FBXW11: variants seen among roughly 807,000 people sequenced by gnomAD.
The protein encoded by FBXW11 is F-box and WD repeat domain containing 11, also known as F-box/WD repeat-containing protein 11.
In FBXW11, 19 loss-of-function variants were observed where a neutral mutation model predicts 77.6. The ratio of observed to expected loss-of-function variants is 0.24; its 90% CI spans 0.17 to 0.36. The LOEUF is 0.36. Ranked by LOEUF, FBXW11 falls within the 10% of genes least tolerant of loss-of-function variation. FBXW11 has a pLI of 1.00. For missense variants in FBXW11, 334 were observed against 704.2 expected (o/e 0.47, Z 5.95); for synonymous variants, 235 against 249.4 (o/e 0.94, Z 0.54).
At chr5:171,941,208 T>C (rs1424280084) in intron 2 of FBXW11, among the ~76,000 whole-genome samples, 5 of 152,200 alleles carry the variant, frequency 3.3e-5, no homozygotes, top group Non-Finnish European at 7.3e-5. Flanking sequence ...GAGAAATCAA[T>C]ATTATGTACT....
At chr5:171,975,259 A>G (rs559859221) in intron 1 of FBXW11, among the ~76,000 whole-genome samples, 4 of 152,254 alleles carry the variant, frequency 2.6e-5, no homozygotes, top group Non-Finnish European at 5.9e-5. Flanking sequence ...ATATGCCACT[A>G]GAAAAGAATG....
At chr5:171,988,038 C>T (rs1301344818) in intron 1 of FBXW11, among the ~76,000 whole-genome samples, 2 of 152,138 alleles carry the variant, frequency 1.3e-5, no homozygotes, top group Admixed American at 6.6e-5. Flanking sequence ...ATGATACCGA[C>T]AAGGTCCCTT....
chr5:171,880,985 C>A (rs541487420), intron 7 of FBXW11, among the ~76,000 whole-genome samples: 13 of 152,354 alleles, frequency 8.5e-5, no homozygotes, highest in African/African-American at 2.6e-4. Flanking sequence ...GCGTGAGCCA[C>A]CGCGCCCAGC....
chr5:171,995,210 A>C (rs780248484), intron 1 of FBXW11, among the ~76,000 whole-genome samples: 5 of 152,198 alleles, frequency 3.3e-5, no homozygotes, highest in Non-Finnish European at 7.3e-5. Context: ...AGGCCAAAAG[A>C]AGTCTACATA....
At chr5:171,884,281 G>A (rs1758728395) in intron 7 of FBXW11, among the ~76,000 whole-genome samples, 1 of 152,098 alleles carries the variant, frequency 6.6e-6, no homozygotes. Flanking sequence ...CCCAGTACTA[G>A]TTGTTGAAAA....
intron 2 of FBXW11, among the ~76,000 whole-genome samples, chr5:171,930,944 T>C (rs1342052532): frequency 6.6e-6 from 1 of 152,016 alleles, no homozygotes; most frequent in East Asian, 1.9e-4. Context: ...TAAACACCTA[T>C]AGATATAATT....
chr5:171,903,772 A>C (rs916314235), intron 4 of FBXW11, among the ~76,000 whole-genome samples: 8 of 151,964 alleles, frequency 5.3e-5, no homozygotes, highest in Admixed American at 5.2e-4. Context: ...CAGCCTCCCT[A>C]GTAGCTGAGA....
chr5:171,955,683 G>A (rs1763570402), intron 2 of FBXW11, among the ~76,000 whole-genome samples: 1 of 152,002 alleles, frequency 6.6e-6, no homozygotes, highest in African/African-American at 2.4e-5. Context: ...AATGAGCTGA[G>A]TACTTAGTTC....
chr5:171,947,393 T>G (rs1308518273), intron 2 of FBXW11, among the ~76,000 whole-genome samples: 2 of 152,202 alleles, frequency 1.3e-5, no homozygotes, highest in Non-Finnish European at 2.9e-5. Context: ...TTTTTGCTAG[T>G]AGATTAAAAG....
intron 1 of FBXW11, among the ~76,000 whole-genome samples, chr5:171,988,792 C>G (rs1389201745): frequency 1.3e-5 from 2 of 152,008 alleles, no homozygotes; most frequent in Non-Finnish European, 2.9e-5. Context: ...CTGCAGTGAG[C>G]TGAGATCACG....
intron 6 of FBXW11, among the ~76,000 whole-genome samples, chr5:171,894,088 C>T (rs1759575291): frequency 6.6e-6 from 1 of 152,066 alleles, no homozygotes; most frequent in African/African-American, 2.4e-5. Flanking sequence ...TAACTGTACC[C>T]AAAACCCTGA....
intron 2 of FBXW11, among the ~76,000 whole-genome samples, chr5:171,935,168 A>G (rs920970600): frequency 1.3e-5 from 2 of 152,180 alleles, no homozygotes; most frequent in Non-Finnish European, 2.9e-5. Context: ...CGTGTTAGCC[A>G]GGACGGTCTT....
intron 2 of FBXW11, among the ~76,000 whole-genome samples, chr5:171,915,037 A>G (rs918566326): frequency 6.6e-6 from 1 of 152,180 alleles, no homozygotes; most frequent in Non-Finnish European, 1.5e-5. Context: ...GTACTGTGTA[A>G]TTATTCTTTC....
At chr5:171,945,439 C>CT (rs2113211523) in intron 2 of FBXW11, among the ~76,000 whole-genome samples, 1 of 152,168 alleles carries the variant, frequency 6.6e-6, no homozygotes, top group East Asian at 1.9e-4. Context: ...GTAGATACCC[C>CT]TGTTTAGGTC....
chr5:171,934,676 CA>C (rs34077162), intron 2 of FBXW11, among the ~76,000 whole-genome samples: 8,532 of 69,166 alleles, frequency 0.12, 199 homozygotes, highest in Middle Eastern at 0.27. Context: ...GACCCTGTCT[CA>C]AAAAAAAAAA....
At chr5:171,958,937 T>C (rs1763756382) in intron 1 of FBXW11, among the ~76,000 whole-genome samples, 1 of 151,994 alleles carries the variant, frequency 6.6e-6, no homozygotes, top group African/African-American at 2.4e-5. Flanking sequence ...TATTGTCCCC[T>C]CATAACTTTC....
intron 2 of FBXW11, among the ~76,000 whole-genome samples, chr5:171,918,149 C>G (rs1761375410): frequency 6.6e-6 from 1 of 151,972 alleles, no homozygotes; most frequent in East Asian, 1.9e-4. Context: ...CAGCCTGCTA[C>G]AGGTTGAGCA....
At chr5:171,897,771 A>T (rs2113871075) in intron 6 of FBXW11, among the ~76,000 whole-genome samples, 1 of 152,230 alleles carries the variant, frequency 6.6e-6, no homozygotes, top group East Asian at 1.9e-4. Context: ...GAAAAAAAAA[A>T]ACAGAGGGTA....
At chr5:171,901,979 A>G (rs1483383202) in intron 4 of FBXW11, among the ~76,000 whole-genome samples, 1 of 152,178 alleles carries the variant, frequency 6.6e-6, no homozygotes, top group Non-Finnish European at 1.5e-5. Flanking sequence ...AGAACCAAGG[A>G]CAGCACCCAT....
Sources: gnomAD v4.1 joint callset for allele counts (sites outside exome capture counted in the v4.1 genomes callset) on GRCh38, gnomAD v4.1.1 for gene constraint, MANE v1.5 for transcripts, NCBI Gene and HGNC (gene_info 2026-07-23, HGNC 2026-07-21) for gene names.